Variants in PTPRM observed in about 807,000 individuals in gnomAD.
PTPRM encodes receptor-type tyrosine-protein phosphatase mu.
Under a neutral mutation model 186.7 loss-of-function variants are expected in PTPRM, and 47 were observed. That is an observed-to-expected ratio of 0.25 (90% CI 0.20 to 0.32). The LOEUF is 0.32. PTPRM is among the 10% of genes least tolerant of loss of function. The pLI, the probability that PTPRM is intolerant of heterozygous loss-of-function variation, is 1.00. For missense variants in PTPRM, 1,494 were observed against 1,865.0 expected, an observed-to-expected ratio of 0.80 and a Z score of 3.66; for synonymous variants, 668 against 674.9, an observed-to-expected ratio of 0.99 and a Z score of 0.16.
chr18:7,777,623 T>C (rs1298163577), intron 2 of PTPRM, among the ~76,000 whole-genome samples: 2 of 152,254 alleles, frequency 1.3e-5, no homozygotes, highest in African/African-American at 4.8e-5. Flanking sequence ...TGTTGTTTTC[T>C]ATATTCATAT....
At position 7,692,621 on chromosome 18, in the gene PTPRM, C is replaced by T. The variant is rs577112614; in HGVS notation, c.74-81528C>T. The stretch of plus-strand genomic sequence containing the variant: ...AACAGTTGGATAATTAGAAATTTTT[C>T]AGTGATTTGTGAAGCCAGCCATGCT... On this transcript the variant is annotated intron_variant, in intron 1 of 32. Coordinates refer to ENST00000580170, the MANE Select transcript of PTPRM (RefSeq NM_001105244.2). Among the ~76,000 whole-genome samples the T allele has an allele frequency of 2.0e-5, 3 of 152,192 alleles. No homozygotes were observed. The South Asian group carries it at 6.2e-4, about 32-fold the overall frequency.
At chr18:8,186,604 T>C (rs1268458963) in intron 14 of PTPRM, among the ~76,000 whole-genome samples, 1 of 152,176 alleles carries the variant, frequency 6.6e-6, no homozygotes, top group Non-Finnish European at 1.5e-5. Flanking sequence ...CCCTCAAAGC[T>C]GTTCTTTCTT....
chr18:8,105,631 C>A (rs539644679), intron 11 of PTPRM, among the ~76,000 whole-genome samples: 1 of 152,294 alleles, frequency 6.6e-6, no homozygotes, highest in African/African-American at 2.4e-5. Context: ...AAAGTAATCT[C>A]TTCTGAAGGA....
chr18:7,785,722 C>A (rs2043069478), intron 2 of PTPRM, among the ~76,000 whole-genome samples: 1 of 152,174 alleles, frequency 6.6e-6, no homozygotes, highest in African/African-American at 2.4e-5. Flanking sequence ...CACGTCTGCA[C>A]TTTCTGAGCA....
chr18:8,212,572 AG>A (rs1178617884), intron 14 of PTPRM, among the ~76,000 whole-genome samples: 19 of 152,170 alleles, frequency 1.2e-4, no homozygotes, highest in African/African-American at 4.6e-4. Flanking sequence ...TGGGGGGCCA[AG>A]GCAGGAGGAT....
chr18:7,811,253 A>G (rs1468038178), intron 2 of PTPRM, among the ~76,000 whole-genome samples: 1 of 152,166 alleles, frequency 6.6e-6, no homozygotes, highest in Admixed American at 6.5e-5. Flanking sequence ...CACAGTGAAT[A>G]TTTCTGTGAT....
intron 1 of PTPRM, among the ~76,000 whole-genome samples, chr18:7,773,585 T>TTTTG (rs1568111181): frequency 2.3e-5 from 3 of 133,192 alleles, no homozygotes; most frequent in South Asian, 2.4e-4. Context: ...TTTTTTTTTT[T>TTTTG]TTTGTTTGTT....
At chr18:7,673,757 A>T (rs1446090007) in intron 1 of PTPRM, among the ~76,000 whole-genome samples, 1 of 152,204 alleles carries the variant, frequency 6.6e-6, no homozygotes, top group Non-Finnish European at 1.5e-5. Flanking sequence ...TGCAGGTCAG[A>T]AGGCCACACT....
intron 14 of PTPRM, among the ~76,000 whole-genome samples, chr18:8,240,761 G>GGAGAGAGAGAGA (rs1168679787): frequency 8.7e-6 from 1 of 114,734 alleles, no homozygotes; most frequent in African/African-American, 3.4e-5. Flanking sequence ...CGCGAGGGAG[G>GGAGAGAGAGAGA]GAGGGAGAGA....
intron 1 of PTPRM, among the ~76,000 whole-genome samples, chr18:7,637,947 T>G (rs1598594009): frequency 6.6e-6 from 1 of 152,362 alleles, no homozygotes; most frequent in East Asian, 1.9e-4. Context: ...TTGGTATTAA[T>G]TTAAGCATGA....
chr18:8,088,874 G>A lies in PTPRM; in HGVS notation c.1856+23G>A, dbSNP rs766644757. The A allele has an allele frequency of 2.3e-5, 36 of 1,537,248 alleles. 1 individual carries two copies. The South Asian group carries it at 2.5e-4, about 11-fold the overall frequency. Reference sequence around the variant, plus strand: ...CAGGTATGGAACAGAGGGTTGGGCCGGCTCTAGATAGAAGAAAACTAAATC... The same window carrying A: ...CAGGTATGGAACAGAGGGTTGGGCCAGCTCTAGATAGAAGAAAACTAAATC... On this transcript the variant is annotated intron_variant, in intron 11 of 32. Transcript: ENST00000580170.
At chr18:7,625,823 C>T (rs1014501240) in intron 1 of PTPRM, among the ~76,000 whole-genome samples, 1 of 152,234 alleles carries the variant, frequency 6.6e-6, no homozygotes, top group African/African-American at 2.4e-5. Context: ...GCGTGAGCAA[C>T]AGCGCCTGGC....
intron 21 of PTPRM, 53 bp from the exon 22 acceptor site, chr18:8,319,125 C>G (rs1295689581): frequency 3.3e-6 from 4 of 1,227,346 alleles, no homozygotes; most frequent in Non-Finnish European, 4.7e-6. Context: ...TGCGACTTAT[C>G]TGCTGTTTAT....
At chr18:7,888,908 G>A (rs28688704) in intron 3 of PTPRM, among the ~76,000 whole-genome samples, 290 of 152,300 alleles carry the variant, frequency 1.9e-3, no homozygotes, top group African/African-American at 6.8e-3. Context: ...ATAAGTAGGA[G>A]CTAAGCACTG....
intron 1 of PTPRM, among the ~76,000 whole-genome samples, chr18:7,580,861 C>G (rs1156438336): frequency 6.6e-6 from 1 of 152,102 alleles, no homozygotes; most frequent in African/African-American, 2.4e-5. Flanking sequence ...TTGAAGTGTG[C>G]TCTAAGAAAA....
intron 14 of PTPRM, among the ~76,000 whole-genome samples, chr18:8,194,254 T>C (rs1183578887): frequency 6.6e-6 from 1 of 152,240 alleles, no homozygotes; most frequent in East Asian, 1.9e-4. Flanking sequence ...AGCTTGACTA[T>C]TTCAAAAGCT....
intron 14 of PTPRM, among the ~76,000 whole-genome samples, chr18:8,215,948 C>T (rs978153863): frequency 6.6e-6 from 1 of 152,118 alleles, no homozygotes; most frequent in African/African-American, 2.4e-5. Flanking sequence ...TTAACCCAGC[C>T]CCCTGTCTGT....
chr18:8,387,382 A>G, intron 31 of PTPRM, 147 bp downstream of exon 31: 1 of 833,806 alleles, frequency 1.2e-6, no homozygotes, highest in South Asian at 1.9e-5. Context: ...TCAGTGAGGG[A>G]TTGGTTGGCT....
chr18:8,131,403 G>A (rs2092502518), intron 13 of PTPRM, among the ~76,000 whole-genome samples: 1 of 152,176 alleles, frequency 6.6e-6, no homozygotes. Context: ...GCTGGTGTTG[G>A]TGATGCTGAT....
Sources: allele counts gnomAD v4.1 joint callset (sites outside exome capture counted in the v4.1 genomes callset), GRCh38; gene constraint gnomAD v4.1.1; transcripts MANE v1.5; gene names NCBI Gene and HGNC (gene_info 2026-07-23, HGNC 2026-07-21).